PTN: variants seen among roughly 807,000 people sequenced by gnomAD.
The protein encoded by PTN is heparin affin regulatory protein.
Under a neutral mutation model 24.1 loss-of-function variants are expected in PTN, and 18 were observed. That is an observed-to-expected ratio of 0.75 (90% confidence interval 0.52 to 1.11). The LOEUF (loss-of-function observed/expected upper bound fraction) is 1.11. Ranked by LOEUF, PTN falls within the 50% of genes least tolerant of loss-of-function variation. The pLI, the probability that PTN is intolerant of heterozygous loss-of-function variation, is 0.00. For missense variants in PTN, 163 were observed against 198.8 expected (o/e 0.82, Z 1.08); for synonymous variants, 78 against 68.6 (o/e 1.14, Z -0.67).
rs541417681 is a variant in PTN at position 137,252,347 on chromosome 7, CT to C, written c.290-957del. Among the ~76,000 whole-genome samples the C allele has an allele frequency of 1.3e-3, 191 of 151,904 alleles. 6 individuals carry two copies. Among genetic ancestry groups the C allele is most frequent in the African/African-American group, 4.3e-3 (178 of 41,230 alleles). ...CTATATATCCTCTTTGGTAAAATGT[CT>C]GTTAATGTTTTTTCCCCACTTTCTT... On this transcript the variant is annotated intron_variant, in intron 3 of 4. Coordinates refer to ENST00000348225, the MANE Select transcript of PTN (RefSeq NM_002825.7).
At chr7:137,296,895 G>A (rs767720842) in intron 1 of PTN, among the ~76,000 whole-genome samples, 4 of 152,052 alleles carry the variant, frequency 2.6e-5, no homozygotes, top group Admixed American at 6.6e-5. Flanking sequence ...CTATGTAGAT[G>A]TAGGTTATGC....
At chr7:137,326,197 T>A (rs994419100) in intron 1 of PTN, 3 of 152,158 alleles carry the variant, frequency 2.0e-5, no homozygotes, top group African/African-American at 4.8e-5. Flanking sequence ...GTGTCCACAG[T>A]TCAGTGAGAC....
intron 1 of PTN, among the ~76,000 whole-genome samples, chr7:137,278,757 TG>T (rs1054743957): frequency 6.6e-5 from 10 of 151,740 alleles, no homozygotes; most frequent in Non-Finnish European, 2.9e-5. Context: ...CTAGCCAACA[TG>T]GTGACACCCC....
intron 4 of PTN, among the ~76,000 whole-genome samples, chr7:137,228,436 CTT>C (rs1808371959): frequency 1.3e-5 from 2 of 151,780 alleles, no homozygotes; most frequent in African/African-American, 4.8e-5. Context: ...GCAGACATCT[CTT>C]AGTAAATTAC....
intron 1 of PTN, among the ~76,000 whole-genome samples, chr7:137,288,187 T>C (rs1563213299): frequency 6.6e-6 from 1 of 152,194 alleles, no homozygotes; most frequent in Non-Finnish European, 1.5e-5. Flanking sequence ...AAGTGAGTCT[T>C]AATAAATGAA....
Position 137,283,952 on chromosome 7 carries a change from ATTTTTTTTTTTTTTTTTT to A in PTN, c.-1-28996_-1-28979del, listed in dbSNP as rs753374720. 8.8e-4 allele frequency among the ~76,000 whole-genome samples: 43 copies of A among 48,920 alleles called. 1 individual carries two copies. The South Asian group carries it at 9.3e-3, about 11-fold the overall frequency. 32.1% of individuals were successfully genotyped at this position (48,920 alleles called of 152,430 possible). On this transcript the variant is annotated intron_variant, in intron 1 of 4. Coordinates refer to ENST00000348225, the MANE Select transcript of PTN (RefSeq NM_002825.7). ...AAATGAATGTGAAAATGAGCATCAG[ATTTTTTTTTTTTTTTTTT>A]TTTTTTTTTTTTTTTTTTGAGATAG... is the stretch of plus-strand genomic sequence containing the variant.
At chr7:137,294,796 A>G (rs1050889665) in intron 1 of PTN, among the ~76,000 whole-genome samples, 3 of 152,196 alleles carry the variant, frequency 2.0e-5, no homozygotes, top group African/African-American at 7.2e-5. Context: ...ATTATTTGAA[A>G]TAGTAATAAA....
chr7:137,303,069 T>C (rs571179752), intron 1 of PTN, among the ~76,000 whole-genome samples: 1 of 152,138 alleles, frequency 6.6e-6, no homozygotes, highest in South Asian at 2.1e-4. Flanking sequence ...TTTTACAACA[T>C]TCTCACTGTA....
rs772197188 is a variant in PTN, at chr7:137,253,648, G to A, written c.116-11C>T. 5.5e-5 allele frequency: 85 copies of A among 1,531,556 alleles called. No individual in the cohort carries two copies. The highest frequency in any genetic ancestry group is 7.2e-5 in the Non-Finnish European group (82 of 1,132,914). 94.9% of individuals were successfully genotyped at this position (1,531,556 alleles called of 1,614,324 possible). ...TCTTCACTTTTTTTTCTGAATGAAA[G>A]GAGGAAAACCTAATCAACATACAGA... On this transcript the variant is annotated splice_polypyrimidine_tract_variant and intron_variant, in intron 2 of 4. Transcript: ENST00000348225.
At chr7:137,314,617 G>A (rs1216109392) in intron 1 of PTN, among the ~76,000 whole-genome samples, 6 of 97,340 alleles carry the variant, frequency 6.2e-5, no homozygotes, top group Admixed American at 5.1e-4. Flanking sequence ...TTTTTTTAGA[G>A]AGTCTCGCCC....
At chr7:137,318,476 A>G (rs988121050) in intron 1 of PTN, 2 of 152,220 alleles carry the variant, frequency 1.3e-5, no homozygotes, top group Non-Finnish European at 2.9e-5. Flanking sequence ...CACATTAAGT[A>G]TTAACTTTTT....
At chr7:137,325,651 C>T (rs937827043) in intron 1 of PTN, 1 of 152,238 alleles carries the variant, frequency 6.6e-6, no homozygotes, top group African/African-American at 2.4e-5. Flanking sequence ...ATCTGGCTTT[C>T]ACTGTCACCC....
At chr7:137,232,364 C>A (rs1238823675) in intron 4 of PTN, among the ~76,000 whole-genome samples, 1 of 151,790 alleles carries the variant, frequency 6.6e-6, no homozygotes, top group African/African-American at 2.4e-5. Context: ...CTTTCTTTGG[C>A]CAGTTTTTGA....
chr7:137,251,468 G>C (rs1808826132), intron 3 of PTN, 77 bp from the exon 4 acceptor site: 3 of 1,478,668 alleles, frequency 2.0e-6, no homozygotes, highest in South Asian at 2.4e-5. Flanking sequence ...GCACACTTTT[G>C]TTTGTAACTT....
chr7:137,255,299 C>T (rs895127924), intron 1 of PTN, among the ~76,000 whole-genome samples: 4 of 152,236 alleles, frequency 2.6e-5, no homozygotes, highest in Admixed American at 2.0e-4. Context: ...GTCCTACTGT[C>T]TTGCTGATAG....
In PTN at chr7:137,262,990, G is replaced by A. The variant is rs192525540; in HGVS notation, c.-1-8016C>T. Among the ~76,000 whole-genome samples, 110 of 152,112 alleles carry A rather than the reference G, an allele frequency of 7.2e-4. No homozygotes were observed. In the South Asian group the frequency reaches 0.017, roughly 23 times the overall value. ...AAAACAACATGAGAGGGTCTCTCTC[G>A]TCCCTCATTTCCCCCCTTCGAGACT... On this transcript the variant is annotated intron_variant, in intron 1 of 4. Coordinates refer to ENST00000348225, the MANE Select transcript of PTN (RefSeq NM_002825.7).
intron 1 of PTN, among the ~76,000 whole-genome samples, chr7:137,299,582 G>T (rs981657224): frequency 6.6e-6 from 1 of 151,866 alleles, no homozygotes; most frequent in African/African-American, 2.4e-5. Flanking sequence ...CACCAAATAT[G>T]AGGGGCAGTT....
intron 1 of PTN, among the ~76,000 whole-genome samples, chr7:137,257,174 T>C (rs559291352): frequency 6.6e-6 from 1 of 152,360 alleles, no homozygotes; most frequent in South Asian, 2.1e-4. Flanking sequence ...ATTTTTTCCC[T>C]GAATCACAAG....
intron 1 of PTN, among the ~76,000 whole-genome samples, chr7:137,297,510 T>C (rs902514295): frequency 1.3e-5 from 2 of 151,902 alleles, no homozygotes; most frequent in African/African-American, 4.8e-5. Flanking sequence ...CATACTGAGA[T>C]GAGCAACAAA....
Sources: allele counts gnomAD v4.1 joint callset (sites outside exome capture counted in the v4.1 genomes callset), GRCh38; gene constraint gnomAD v4.1.1; transcripts MANE v1.5; gene names NCBI Gene and HGNC (gene_info 2026-07-23, HGNC 2026-07-21).